DNAJC5B: variants seen among roughly 807,000 people sequenced by gnomAD.
DNAJC5B encodes the protein dnaJ homolog subfamily C member 5B.
A neutral mutation model predicts 24.7 loss-of-function variants in DNAJC5B; 23 were observed. The observed-to-expected ratio is 0.93, with a 90% confidence interval of 0.67 to 1.32. DNAJC5B has a LOEUF of 1.32. Ranked by LOEUF, DNAJC5B falls within the 40% of genes most tolerant of loss-of-function variation. The pLI is 0.00. For synonymous variants in DNAJC5B, 101 were observed against 90.1 expected (o/e 1.12, Z -0.68); for missense variants, 238 against 240.8 (o/e 0.99, Z 0.08).
chr8:66,066,720 GAA>G (rs1051292061), intron 3 of DNAJC5B, among the ~76,000 whole-genome samples: 1 of 152,104 alleles, frequency 6.6e-6, no homozygotes, highest in African/African-American at 2.4e-5. Flanking sequence ...CGGAGACTCA[GAA>G]GGGGGAGGGT....
intron 2 of DNAJC5B, among the ~76,000 whole-genome samples, chr8:66,046,304 G>A (rs1332677058): frequency 1.3e-5 from 2 of 152,136 alleles, no homozygotes; most frequent in Non-Finnish European, 2.9e-5. Context: ...TGCGCAGAGG[G>A]AAAACACTTG....
chr8:66,024,370 A>G (rs1419430633), intron 1 of DNAJC5B, among the ~76,000 whole-genome samples: 1 of 151,796 alleles, frequency 6.6e-6, no homozygotes, highest in African/African-American at 2.4e-5. Flanking sequence ...ATTGTGAAAA[A>G]CAGAGGGATA....
At chr8:66,097,284 T>A (rs1441337364) in intron 5 of DNAJC5B, among the ~76,000 whole-genome samples, 1 of 151,838 alleles carries the variant, frequency 6.6e-6, no homozygotes, top group African/African-American at 2.4e-5. Flanking sequence ...AATTATATTC[T>A]CTTTTCTGTT....
intron 2 of DNAJC5B, among the ~76,000 whole-genome samples, chr8:66,045,354 C>A (rs1162481691): frequency 6.6e-6 from 1 of 152,188 alleles, no homozygotes; most frequent in African/African-American, 2.4e-5. Context: ...AGACAATAAA[C>A]ACTCTATACT....
At chr8:66,032,297 A>T (rs908149510) in intron 1 of DNAJC5B, among the ~76,000 whole-genome samples, 4 of 152,258 alleles carry the variant, frequency 2.6e-5, no homozygotes, top group African/African-American at 9.6e-5. Flanking sequence ...CACTCAGGGC[A>T]GCAGCAGGGC....
At chr8:66,095,587 C>T (rs1807933499) in intron 5 of DNAJC5B, among the ~76,000 whole-genome samples, 1 of 150,908 alleles carries the variant, frequency 6.6e-6, no homozygotes, top group Admixed American at 6.6e-5. Context: ...ATTTTCAGCC[C>T]TTCCTCTGTT....
intron 5 of DNAJC5B, among the ~76,000 whole-genome samples, chr8:66,086,809 C>T (rs1326164931): frequency 6.6e-6 from 1 of 152,114 alleles, no homozygotes; most frequent in Admixed American, 6.6e-5. Context: ...TACATGAGCA[C>T]TAATTTTAAG....
upstream of DNAJC5B, among the ~76,000 whole-genome samples, chr8:66,017,462 C>T (rs1182465869): frequency 6.6e-6 from 1 of 152,178 alleles, no homozygotes; most frequent in Non-Finnish European, 1.5e-5. Flanking sequence ...ACAGAAAGAT[C>T]TTTCTGATTC....
rs185776277 is a variant in DNAJC5B, at chr8:66,073,933, A to C, written c.120-2727A>C. The stretch of plus-strand genomic sequence containing the variant: ...TCCTGAATTGAGGAACAAATTGGTT[A>C]ATTCAGTAAATTAAAAGAAAGAATT... On this transcript the variant is annotated intron_variant, in intron 3 of 5. Coordinates refer to ENST00000276570, the MANE Select transcript of DNAJC5B (RefSeq NM_033105.6). Among the ~76,000 whole-genome samples, 350 of 152,332 alleles carry C rather than the reference A, an allele frequency of 2.3e-3. 4 individuals carry two copies. The highest frequency in any genetic ancestry group is 3.4e-3 in the Middle Eastern group (1 of 294).
intron 3 of DNAJC5B, among the ~76,000 whole-genome samples, chr8:66,063,013 A>AAAAC (rs1238332927): frequency 7.9e-5 from 12 of 152,210 alleles, no homozygotes; most frequent in Admixed American, 7.9e-4. Context: ...CTGACTCTAA[A>AAAAC]AAACAAACAA....
Position 66,101,224 on chromosome 8 carries a change from G to T in DNAJC5B, c.*1193G>T, listed in dbSNP as rs1195986575. Reference sequence around the variant, plus strand: ...AGTGTTATAGCTCTGATAGTTCTGAGGTCATTAAAATTCCACTCTAACTCT... The same window carrying T: ...AGTGTTATAGCTCTGATAGTTCTGATGTCATTAAAATTCCACTCTAACTCT... On this transcript the variant is annotated 3_prime_UTR_variant, in exon 6 of 6. Transcript: ENST00000276570. Among the ~76,000 whole-genome samples the T allele has an allele frequency of 6.6e-6, 1 of 152,054 alleles. No homozygotes were observed. Among genetic ancestry groups the T allele is most frequent in the African/African-American group, 2.4e-5 (1 of 41,398 alleles).
At chr8:66,099,036 T>TCTCACACA (rs1808015926) in intron 5 of DNAJC5B, among the ~76,000 whole-genome samples, 1 of 146,156 alleles carries the variant, frequency 6.8e-6, no homozygotes, top group African/African-American at 2.5e-5. Context: ...TCTCTCTCTG[T>TCTCACACA]CACACACACA....
At position 66,033,220 on chromosome 8, in the gene DNAJC5B, G is replaced by A. The variant is rs76172619; in HGVS notation, c.-141-10268G>A. 9.6e-3 allele frequency among the ~76,000 whole-genome samples: 1,460 copies of A among 152,382 alleles called. 39 individuals are homozygous for A. Among genetic ancestry groups the A allele is most frequent in the African/African-American group, 0.034 (1,401 of 41,580 alleles). ...AGGCTGGCCTGGGGCCACACAGGAG[G>A]TCGGCACCTGTTTTGCATATTTGCC... is the stretch of plus-strand genomic sequence containing the variant. On this transcript the variant is annotated intron_variant, in intron 1 of 5. Transcript: ENST00000276570.
At chr8:66,086,029 C>T (rs1807716921) in intron 5 of DNAJC5B, among the ~76,000 whole-genome samples, 1 of 152,102 alleles carries the variant, frequency 6.6e-6, no homozygotes, top group Non-Finnish European at 1.5e-5. Context: ...AAATGGGTAC[C>T]TAAGTATTTC....
At chr8:66,026,587 C>T (rs937205900) in intron 1 of DNAJC5B, among the ~76,000 whole-genome samples, 3 of 152,264 alleles carry the variant, frequency 2.0e-5, no homozygotes, top group Non-Finnish European at 4.4e-5. Flanking sequence ...CCGACACGCG[C>T]AGGACACTGC....
At chr8:66,031,389 T>A (rs1016394620) in intron 1 of DNAJC5B, among the ~76,000 whole-genome samples, 1 of 152,216 alleles carries the variant, frequency 6.6e-6, no homozygotes, top group Non-Finnish European at 1.5e-5. Flanking sequence ...CAATCAGCTT[T>A]ACATTTAGAC....
intron 1 of DNAJC5B, among the ~76,000 whole-genome samples, chr8:66,042,730 CTCT>C (rs1393230021): frequency 7.4e-6 from 1 of 135,248 alleles, no homozygotes; most frequent in Non-Finnish European, 1.6e-5. Context: ...CCTCGCACCC[CTCT>C]TCTTCGTCTT....
chr8:66,031,118 A>G (rs1806351929), intron 1 of DNAJC5B, among the ~76,000 whole-genome samples: 1 of 152,226 alleles, frequency 6.6e-6, no homozygotes, highest in Non-Finnish European at 1.5e-5. Context: ...CATCATAACT[A>G]GGGAATGGTA....
the DNAJC5B span, among the ~76,000 whole-genome samples, chr8:66,015,409 T>G: frequency 6.6e-6 from 1 of 152,226 alleles, no homozygotes; most frequent in African/African-American, 2.4e-5. Context: ...ATCATTTTTT[T>G]TTTCCATTAG....
Sources: allele counts gnomAD v4.1 joint callset (sites outside exome capture counted in the v4.1 genomes callset), GRCh38; gene constraint gnomAD v4.1.1; transcripts MANE v1.5; gene names NCBI Gene and HGNC (gene_info 2026-07-23, HGNC 2026-07-21).